The following EMSY variants were observed in gnomAD, a reference collection of about 807,000 sequenced individuals.
The protein encoded by EMSY is BRCA2-interacting transcriptional repressor EMSY.
In EMSY, 26 loss-of-function variants were observed where a neutral mutation model predicts 134.6. The ratio of observed to expected loss-of-function variants is 0.19; its 90% CI spans 0.14 to 0.27. The LOEUF is 0.27. EMSY is among the 10% of genes least tolerant of loss of function. The pLI is 1.00. For synonymous variants in EMSY, 579 were observed against 577.8 expected, an observed-to-expected ratio of 1.00 and a Z score of -0.03; for missense variants, 1,305 against 1,611.4, an observed-to-expected ratio of 0.81 and a Z score of 3.26.
At chr11:76,464,559 C>T (rs567496486) in intron 7 of EMSY, among the ~76,000 whole-genome samples, 2 of 152,284 alleles carry the variant, frequency 1.3e-5, no homozygotes, top group South Asian at 4.1e-4. Context: ...AAACTCTTCT[C>T]TAAATATGTT....
chr11:76,520,805 AACTT>A (rs1950614193), intron 11 of EMSY, among the ~76,000 whole-genome samples: 1 of 104,000 alleles, frequency 9.6e-6, no homozygotes, highest in Non-Finnish European at 2.3e-5. Context: ...GTTTGTATAA[AACTT>A]AAGTAAGGAA....
At chr11:76,460,657 T>C (rs913391687) in intron 6 of EMSY, 1 of 152,076 alleles carries the variant, frequency 6.6e-6, no homozygotes, top group African/African-American at 2.4e-5. Flanking sequence ...GTTAAGACAA[T>C]GTTGCTTTAT....
intron 9 of EMSY, among the ~76,000 whole-genome samples, chr11:76,502,399 T>C (rs903717318): frequency 8.2e-6 from 1 of 121,290 alleles, no homozygotes; most frequent in African/African-American, 3.2e-5. Context: ...AGCATCCAGA[T>C]TGAAACAGAA....
rs577561588 is a variant in EMSY at position 76,525,172 on chromosome 11, A to G, written c.1822-1290A>G. ...AATGGGTCATACTTGGCCAGGGTCCATTGAGCTATTTAATAGATAGGTGTG... is the reference window on the plus strand; with the variant it reads ...AATGGGTCATACTTGGCCAGGGTCCGTTGAGCTATTTAATAGATAGGTGTG... On this transcript the variant is annotated intron_variant, in intron 12 of 20. Transcript: ENST00000334736. Among the ~76,000 whole-genome samples, 21 of 152,320 alleles carry G rather than the reference A, an allele frequency of 1.4e-4. No homozygotes were observed. In the South Asian group the frequency reaches 4.4e-3, roughly 32 times the overall value.
chr11:76,525,784 T>G (rs1950824514), intron 12 of EMSY, among the ~76,000 whole-genome samples: 1 of 152,110 alleles, frequency 6.6e-6, no homozygotes, highest in South Asian at 2.1e-4. Flanking sequence ...TCCCTTCCTT[T>G]TTTTCTATAT....
intron 14 of EMSY, among the ~76,000 whole-genome samples, chr11:76,535,514 T>G (rs1248301144): frequency 6.6e-6 from 1 of 152,184 alleles, no homozygotes. Context: ...CCTACACATA[T>G]GCGTATCTAT....
At chr11:76,519,721 C>T (rs1042683757) in intron 11 of EMSY, among the ~76,000 whole-genome samples, 1 of 152,098 alleles carries the variant, frequency 6.6e-6, no homozygotes, top group Non-Finnish European at 1.5e-5. Flanking sequence ...AATTTGTGTT[C>T]TTCTTTAAGC....
At chr11:76,451,396 T>G (rs890350522) in intron 2 of EMSY, among the ~76,000 whole-genome samples, 3 of 152,248 alleles carry the variant, frequency 2.0e-5, no homozygotes, top group Non-Finnish European at 4.4e-5. Context: ...TTTTTTCCAT[T>G]GCATACTATT....
chr11:76,549,919 A>T (rs2136925408), intron 20 of EMSY, 33 bp from the exon 22 acceptor site: 1 of 1,460,508 alleles, frequency 6.8e-7, no homozygotes. Flanking sequence ...ACCTTTTCTT[A>T]CCATAAAGAT....
chr11:76,508,658 T>G (rs1950166974), intron 9 of EMSY, among the ~76,000 whole-genome samples: 1 of 152,248 alleles, frequency 6.6e-6, no homozygotes, highest in Admixed American at 6.5e-5. Flanking sequence ...AAGTCTATTT[T>G]GTCTACATTG....
At chr11:76,494,184 C>T (rs1024750076) in intron 8 of EMSY, among the ~76,000 whole-genome samples, 3 of 152,202 alleles carry the variant, frequency 2.0e-5, no homozygotes, top group African/African-American at 7.2e-5. Context: ...GTGTGGGATC[C>T]GGGCCGGTAG....
rs1297117010 is a variant in EMSY, at chr11:76,544,255, T to G, written c.2710-4T>G. 2 of 1,594,206 alleles carry G rather than the reference T, an allele frequency of 1.3e-6. No individual in the cohort carries two copies. Among genetic ancestry groups the G allele is most frequent in the Non-Finnish European group, 1.7e-6 (2 of 1,167,750 alleles). ...CATTCTTACTTTGTGCCTTTTTTAC[T>G]TAGGCATTAAGCAGTCACACTGCTT... On this transcript the variant is annotated splice_region_variant and splice_polypyrimidine_tract_variant and intron_variant, in intron 18 of 20. Coordinates refer to ENST00000334736, the Ensembl canonical transcript of EMSY.
intron 12 of EMSY, among the ~76,000 whole-genome samples, chr11:76,526,049 T>C (rs1555071581): frequency 6.6e-6 from 1 of 152,194 alleles, no homozygotes; most frequent in Non-Finnish European, 1.5e-5. Flanking sequence ...AAATACTTAT[T>C]TCAGATAAAT....
intron 18 of EMSY, 41 bp downstream of exon 19, chr11:76,542,408 C>A: frequency 6.3e-7 from 1 of 1,589,156 alleles, no homozygotes; most frequent in South Asian, 1.1e-5. Flanking sequence ...TGCAACTGCC[C>A]ATGCTTGAAA....
At chr11:76,530,902 T>C (rs1183650814) in intron 14 of EMSY, among the ~76,000 whole-genome samples, 1 of 152,192 alleles carries the variant, frequency 6.6e-6, no homozygotes, top group Admixed American at 6.5e-5. Flanking sequence ...GCTTTTGTAG[T>C]TTTTAGCCAC....
chr11:76,542,753 G>GTTTTTTGTTTTTTTTTTTTT (rs749234059), intron 18 of EMSY, among the ~76,000 whole-genome samples: 2 of 109,246 alleles, frequency 1.8e-5, no homozygotes, highest in African/African-American at 7.7e-5. Flanking sequence ...TTCGTTTTTT[G>GTTTTTTGTTTTTTTTTTTTT]TTTTTTTTTT....
intron 10 of EMSY, among the ~76,000 whole-genome samples, chr11:76,514,455 G>T (rs1590944700): frequency 6.6e-6 from 1 of 152,188 alleles, no homozygotes; most frequent in East Asian, 1.9e-4. Flanking sequence ...TACAGACATT[G>T]CACTTCATAT....
At chr11:76,469,087 T>C (rs1284821212) in intron 7 of EMSY, among the ~76,000 whole-genome samples, 1 of 152,226 alleles carries the variant, frequency 6.6e-6, no homozygotes, top group Non-Finnish European at 1.5e-5. Context: ...AAAATAGATC[T>C]TATCATTTGT....
chr11:76,463,902 A>G (rs769419808), exon 7 of EMSY: 6 of 1,614,106 alleles, frequency 3.7e-6, no homozygotes, highest in Non-Finnish European at 4.2e-6. Flanking sequence ...GTTGTTCTAA[A>G]GGAAGTTCCA....
Sources: allele counts gnomAD v4.1 joint callset (sites outside exome capture counted in the v4.1 genomes callset), GRCh38; gene constraint gnomAD v4.1.1; transcripts MANE v1.5; gene names NCBI Gene and HGNC (gene_info 2026-07-23, HGNC 2026-07-21).